Variants in RAD51B observed in about 807,000 individuals in gnomAD.
The protein encoded by RAD51B is RAD51 paralog B, also known as DNA repair protein RAD51 homolog 2.
A neutral mutation model predicts 42.2 loss-of-function variants in RAD51B; 38 were observed. That is an observed-to-expected ratio of 0.90 (90% confidence interval 0.70 to 1.18). RAD51B has a LOEUF of 1.18. Ranked by LOEUF, RAD51B falls within the 50% of genes most tolerant of loss-of-function variation. The probability of loss-of-function intolerance (pLI) is 0.00; values close to 1 mark genes in which losing one functional copy is unlikely to be tolerated. For missense variants in RAD51B, 373 were observed against 400.7 expected (o/e 0.93, Z 0.59); for synonymous variants, 154 against 145.2 (o/e 1.06, Z -0.43).
At chr14:68,211,124 A>G (rs2079696381) in intron 7 of RAD51B, among the ~76,000 whole-genome samples, 1 of 152,186 alleles carries the variant, frequency 6.6e-6, no homozygotes, top group South Asian at 2.1e-4. Flanking sequence ...TGCTGTGGTC[A>G]GAACAAGAGC....
chr14:67,910,595 T>G (rs1309081097), intron 7 of RAD51B, among the ~76,000 whole-genome samples: 2 of 151,596 alleles, frequency 1.3e-5, no homozygotes, highest in African/African-American at 4.8e-5. Context: ...CCTTTTAACT[T>G]TTTTTTTAAA....
rs899955605 is a variant in RAD51B at position 67,868,161 on chromosome 14, C to G, written c.452+3022C>G. Among the ~76,000 whole-genome samples, 4 of 152,322 alleles carry G rather than the reference C, an allele frequency of 2.6e-5. No individual in the cohort carries two copies. In the South Asian group the frequency reaches 8.3e-4, roughly 32 times the overall value. On this transcript the variant is annotated intron_variant, in intron 5 of 10. Transcript: ENST00000471583. Reference sequence around the variant, plus strand: ...CAGAAGATGGGTGATTTCTGCATTTCCATCTGAGGTACCGGGTTCATCTCA... The same window carrying G: ...CAGAAGATGGGTGATTTCTGCATTTGCATCTGAGGTACCGGGTTCATCTCA...
At chr14:68,411,932 A>G (rs2084432011) in intron 9 of RAD51B, among the ~76,000 whole-genome samples, 1 of 152,224 alleles carries the variant, frequency 6.6e-6, no homozygotes, top group Non-Finnish European at 1.5e-5. Flanking sequence ...AGGCCAGCAG[A>G]TGCTGCCAAG....
At chr14:68,515,343 A>G (rs1453985364) in intron 10 of RAD51B, among the ~76,000 whole-genome samples, 8 of 152,144 alleles carry the variant, frequency 5.3e-5, no homozygotes, top group Non-Finnish European at 8.8e-5. Context: ...GAAGTTGCCT[A>G]AATGATGGTC....
At chr14:68,662,700 T>C (rs1030991936) in intron 11 of RAD51B, among the ~76,000 whole-genome samples, 2 of 152,116 alleles carry the variant, frequency 1.3e-5, no homozygotes, top group African/African-American at 2.4e-5. Flanking sequence ...GTACAGTGAG[T>C]AGTCATCTTT....
At chr14:68,605,770 T>A (rs1453975038) in intron 10 of RAD51B, among the ~76,000 whole-genome samples, 2 of 152,204 alleles carry the variant, frequency 1.3e-5, no homozygotes, top group Non-Finnish European at 2.9e-5. Context: ...GGGGACACTA[T>A]CCAACACAGT....
intron 10 of RAD51B, chr14:68,469,109 C>A (rs1482392994): frequency 1.9e-6 from 1 of 514,216 alleles, no homozygotes; most frequent in Non-Finnish European, 3.9e-6. Flanking sequence ...AGACCCCAAC[C>A]ACAGAGATGC....
chr14:68,517,929 C>T (rs940518521), intron 10 of RAD51B, among the ~76,000 whole-genome samples: 1 of 152,090 alleles, frequency 6.6e-6, no homozygotes, highest in Non-Finnish European at 1.5e-5. Flanking sequence ...CACTTGCACC[C>T]CTTCCTTTGT....
chr14:67,855,454 A>T (rs1022236633), intron 4 of RAD51B, among the ~76,000 whole-genome samples: 1 of 150,460 alleles, frequency 6.6e-6, no homozygotes, highest in Non-Finnish European at 1.5e-5. Flanking sequence ...AGTAGCCAGG[A>T]TGGTCTGGAT....
chr14:67,922,115 T>C (rs767888843), intron 7 of RAD51B, among the ~76,000 whole-genome samples: 1 of 152,246 alleles, frequency 6.6e-6, no homozygotes, highest in Non-Finnish European at 1.5e-5. Context: ...CCTTGCAATC[T>C]GTATGACCAA....
At chr14:68,494,550 G>T (rs1302779442) in intron 10 of RAD51B, among the ~76,000 whole-genome samples, 1 of 152,160 alleles carries the variant, frequency 6.6e-6, no homozygotes, top group Non-Finnish European at 1.5e-5. Flanking sequence ...TTCACCATCA[G>T]TGAGGCGTCA....
At chr14:67,964,539 C>CA (rs1249839708) in intron 7 of RAD51B, among the ~76,000 whole-genome samples, 1 of 152,210 alleles carries the variant, frequency 6.6e-6, no homozygotes, top group African/African-American at 2.4e-5. Flanking sequence ...CATTACACAA[C>CA]AACATTAACC....
chr14:68,267,830 A>C (rs1365871587), intron 7 of RAD51B, among the ~76,000 whole-genome samples: 2 of 152,200 alleles, frequency 1.3e-5, no homozygotes, highest in Non-Finnish European at 2.9e-5. Context: ...TGTTTTCACC[A>C]TGCTCTGTCA....
intron 9 of RAD51B, among the ~76,000 whole-genome samples, chr14:68,426,007 C>CCTTCCTTCCTTCCTTCCTTCCTTT (rs1183115143): frequency 8.6e-6 from 1 of 116,634 alleles, no homozygotes; most frequent in African/African-American, 3.7e-5. Context: ...TTCCTTCCTT[C>CCTTCCTTCCTTCCTTCCTTCCTTT]CTTTCTTTCT....
intron 10 of RAD51B, among the ~76,000 whole-genome samples, chr14:68,504,078 C>T (rs1025328260): frequency 2.0e-5 from 3 of 152,058 alleles, no homozygotes; most frequent in East Asian, 1.9e-4. Context: ...GGTAGATGCA[C>T]GTTAATAGTA....
intron 7 of RAD51B, among the ~76,000 whole-genome samples, chr14:67,957,108 T>C (rs1396653571): frequency 1.3e-5 from 2 of 152,190 alleles, no homozygotes; most frequent in East Asian, 1.9e-4. Context: ...TAAGATAGAA[T>C]GTGATAAGCA....
chr14:67,831,475 A>G (rs937925838), intron 3 of RAD51B, among the ~76,000 whole-genome samples: 2 of 152,214 alleles, frequency 1.3e-5, no homozygotes, highest in Non-Finnish European at 2.9e-5. Flanking sequence ...GTCATATCAC[A>G]AAACTCTTCT....
intron 8 of RAD51B, among the ~76,000 whole-genome samples, chr14:68,364,119 C>T (rs1333924911): frequency 6.6e-6 from 1 of 152,214 alleles, no homozygotes; most frequent in Non-Finnish European, 1.5e-5. Flanking sequence ...CTAACCCTCT[C>T]TCCTTCCGCC....
At chr14:68,302,881 C>T (rs1373681151) in intron 8 of RAD51B, among the ~76,000 whole-genome samples, 2 of 152,190 alleles carry the variant, frequency 1.3e-5, no homozygotes, top group Admixed American at 1.3e-4. Flanking sequence ...GGTGTTCTTG[C>T]CCTCATTCCC....
Sources: gnomAD v4.1 joint callset for allele counts (sites outside exome capture counted in the v4.1 genomes callset) on GRCh38, gnomAD v4.1.1 for gene constraint, MANE v1.5 for transcripts, NCBI Gene and HGNC (gene_info 2026-07-23, HGNC 2026-07-21) for gene names.